Variants in ATP8A2 observed in about 807,000 individuals in gnomAD.
ATP8A2 encodes the protein phospholipid-transporting ATPase IB.
A neutral mutation model predicts 165.6 loss-of-function variants in ATP8A2; 100 were observed. That is an observed-to-expected ratio of 0.60 (90% CI 0.51 to 0.71). The LOEUF (loss-of-function observed/expected upper bound fraction) is 0.71, where lower values mean the gene tolerates loss of function less well. Ranked by LOEUF, ATP8A2 falls within the 30% of genes least tolerant of loss-of-function variation. ATP8A2 has a pLI of 0.00. For synonymous variants in ATP8A2, 543 were observed against 548.8 expected (o/e 0.99, Z 0.15); for missense variants, 1,227 against 1,479.5 (o/e 0.83, Z 2.80).
At chr13:25,857,693 C>T (rs1320763061) in intron 30 of ATP8A2, among the ~76,000 whole-genome samples, 2 of 151,318 alleles carry the variant, frequency 1.3e-5, no homozygotes, top group Non-Finnish European at 2.9e-5. Flanking sequence ...GCCTCAGCCT[C>T]CTGAGTAGCT....
intron 5 of ATP8A2, among the ~76,000 whole-genome samples, chr13:25,532,688 C>G (rs2038153350): frequency 6.6e-6 from 1 of 152,038 alleles, no homozygotes; most frequent in African/African-American, 2.4e-5. Flanking sequence ...TTTTTTGAGA[C>G]AGGGTCTCAC....
intron 16 of ATP8A2, among the ~76,000 whole-genome samples, chr13:25,564,437 T>C (rs1459729251): frequency 6.6e-6 from 1 of 152,216 alleles, no homozygotes; most frequent in Admixed American, 6.5e-5. Context: ...AGGTGGCATT[T>C]ATTGCATTCT....
intron 24 of ATP8A2, among the ~76,000 whole-genome samples, chr13:25,638,478 G>T (rs138410207): frequency 1.3e-5 from 2 of 152,180 alleles, no homozygotes; most frequent in Non-Finnish European, 2.9e-5. Flanking sequence ...TTCAGTAGCC[G>T]ATTCGATCAA....
chr13:25,619,204 C>T (rs540814994), intron 24 of ATP8A2, among the ~76,000 whole-genome samples: 3 of 152,196 alleles, frequency 2.0e-5, no homozygotes, highest in Admixed American at 1.3e-4. Context: ...GGAGCTTCCT[C>T]CCATTAAGCT....
chr13:25,673,310 C>G (rs1265597594), intron 24 of ATP8A2, among the ~76,000 whole-genome samples: 1 of 152,118 alleles, frequency 6.6e-6, no homozygotes, highest in Non-Finnish European at 1.5e-5. Flanking sequence ...TTTGATGATT[C>G]TTGTTTAACG....
At chr13:25,435,348 T>C (rs2034729260) in intron 1 of ATP8A2, among the ~76,000 whole-genome samples, 1 of 152,060 alleles carries the variant, frequency 6.6e-6, no homozygotes, top group Non-Finnish European at 1.5e-5. Flanking sequence ...CTCGAACTCC[T>C]AACTTCGTGA....
At chr13:25,660,869 T>G (rs749005612) in intron 24 of ATP8A2, among the ~76,000 whole-genome samples, 2 of 152,156 alleles carry the variant, frequency 1.3e-5, no homozygotes, top group Admixed American at 6.5e-5. Flanking sequence ...CTTTCCTGTT[T>G]GGCTTCATGA....
chr13:25,433,419 T>C (rs2034669265), intron 1 of ATP8A2, among the ~76,000 whole-genome samples: 1 of 152,106 alleles, frequency 6.6e-6, no homozygotes, highest in Admixed American at 6.5e-5. Context: ...ACTACAGGCG[T>C]GTGCCACCAT....
chr13:25,570,132 A>G (rs1334001294), intron 16 of ATP8A2, among the ~76,000 whole-genome samples: 3 of 152,222 alleles, frequency 2.0e-5, no homozygotes, highest in South Asian at 4.1e-4. Context: ...TTGCTGTTCA[A>G]TATTAATGAG....
At chr13:25,962,787 C>A (rs564300378) in intron 34 of ATP8A2, among the ~76,000 whole-genome samples, 133 of 152,278 alleles carry the variant, frequency 8.7e-4, no homozygotes, top group Non-Finnish European at 1.5e-3. Context: ...ATTTTTCTTG[C>A]CTGACAGTTA....
At chr13:25,880,427 T>A (rs1306558572) in intron 33 of ATP8A2, among the ~76,000 whole-genome samples, 1 of 151,618 alleles carries the variant, frequency 6.6e-6, no homozygotes, top group Non-Finnish European at 1.5e-5. Context: ...TAGTATTATG[T>A]CATTTTATTA....
At position 25,769,852 on chromosome 13, in the gene ATP8A2, G is replaced by A. The variant is rs143094790; in HGVS notation, c.2568+623G>A. ...GCAGTTAGGCCAAGTTCAGTCCAGC[G>A]GAGGCTGATCCGAGCCTCGCATGCC... On this transcript the variant is annotated intron_variant, in intron 26 of 36. Coordinates refer to ENST00000381655, the MANE Select transcript of ATP8A2 (RefSeq NM_016529.6). 1.1e-3 allele frequency among the ~76,000 whole-genome samples: 171 copies of A among 152,290 alleles called. 1 individual carries two copies. The highest frequency in any genetic ancestry group is 6.8e-3 in the Middle Eastern group (2 of 294).
intron 22 of ATP8A2, 79 bp downstream of exon 22, chr13:25,580,026 CT>C: frequency 1.3e-6 from 2 of 1,514,536 alleles, no homozygotes; most frequent in South Asian, 1.2e-5. Flanking sequence ...AACAGGAATC[CT>C]TTTACTATGT....
chr13:25,958,976 TTA>T (rs1365629297), intron 33 of ATP8A2, among the ~76,000 whole-genome samples: 1 of 152,238 alleles, frequency 6.6e-6, no homozygotes, highest in East Asian at 1.9e-4. Flanking sequence ...AAATGATACA[TTA>T]TGTAAAGTCA....
chr13:25,713,820 G>T (rs2137992890), intron 25 of ATP8A2, among the ~76,000 whole-genome samples: 1 of 147,850 alleles, frequency 6.8e-6, no homozygotes, highest in African/African-American at 2.4e-5. Context: ...GTAGCTAGCA[G>T]CTACCGTGGT....
chr13:25,679,257 C>A (rs995385988), intron 24 of ATP8A2, among the ~76,000 whole-genome samples: 9 of 152,302 alleles, frequency 5.9e-5, no homozygotes, highest in African/African-American at 2.2e-4. Context: ...ATTAAATTCT[C>A]TGTACTACTG....
chr13:25,460,227 A>C (rs2035470050), intron 1 of ATP8A2, among the ~76,000 whole-genome samples: 1 of 152,142 alleles, frequency 6.6e-6, no homozygotes, highest in Non-Finnish European at 1.5e-5. Flanking sequence ...ACAAAGAAGC[A>C]AACAAAATAT....
At chr13:25,909,364 T>C (rs1240267470) in intron 33 of ATP8A2, among the ~76,000 whole-genome samples, 1 of 152,202 alleles carries the variant, frequency 6.6e-6, no homozygotes, top group Non-Finnish European at 1.5e-5. Flanking sequence ...AATGTAAATA[T>C]GTACCAAAAC....
At chr13:25,791,069 T>C (rs1279619586) in intron 27 of ATP8A2, among the ~76,000 whole-genome samples, 1 of 152,102 alleles carries the variant, frequency 6.6e-6, no homozygotes, top group Non-Finnish European at 1.5e-5. Flanking sequence ...CATTCTGTTA[T>C]AAAGACATAT....
Sources: allele counts gnomAD v4.1 joint callset (sites outside exome capture counted in the v4.1 genomes callset), GRCh38; gene constraint gnomAD v4.1.1; transcripts MANE v1.5; gene names NCBI Gene and HGNC (gene_info 2026-07-23, HGNC 2026-07-21).